FAM107A: variants seen among roughly 807,000 people sequenced by gnomAD.
FAM107A encodes actin-associated protein FAM107A.
FAM107A carries 19 observed loss-of-function variants against 13.7 expected under a neutral mutation model. That is an observed-to-expected ratio of 1.38 (90% confidence interval 0.97 to 2.03). FAM107A has a LOEUF of 2.03. Ranked by LOEUF, FAM107A falls within the 30% of genes most tolerant of loss-of-function variation. The pLI is 0.00. For synonymous variants in FAM107A, 82 were observed against 74.5 expected (o/e 1.10, Z -0.52); for missense variants, 203 against 184.4 (o/e 1.10, Z -0.58).
chr3:58,627,248 G>C, intron 1 of FAM107A: 1 of 523,228 alleles, frequency 1.9e-6, no homozygotes, highest in East Asian at 3.0e-5. Flanking sequence ...GCCCTTCTTG[G>C]GTCCCTGCAG....
chr3:58,612,466 G>C (rs2065863895), intron 1 of FAM107A, among the ~76,000 whole-genome samples: 2 of 151,954 alleles, frequency 1.3e-5, no homozygotes, highest in African/African-American at 4.8e-5. Context: ...TATAGTATTA[G>C]CTACTTGGGA....
At chr3:58,615,064 C>T (rs1006076503) in intron 1 of FAM107A, among the ~76,000 whole-genome samples, 1 of 152,204 alleles carries the variant, frequency 6.6e-6, no homozygotes, top group Non-Finnish European at 1.5e-5. Flanking sequence ...CCTTGCCCTC[C>T]CAAAGTGCTG....
At chr3:58,586,916 C>G (rs2065612648) in exon 1 of FAM107A, 1 of 1,532,464 alleles carries the variant, frequency 6.5e-7, no homozygotes. Flanking sequence ...CCCGGGCCCA[C>G]TCGCCCAGCC....
chr3:58,571,015 TC>T (rs929212867), intron 1 of FAM107A, among the ~76,000 whole-genome samples: 1 of 152,104 alleles, frequency 6.6e-6, no homozygotes, highest in African/African-American at 2.4e-5. Context: ...TCTCATTTCC[TC>T]CCCCACACTG....
At chr3:58,621,626 T>A (rs1186240680) in intron 1 of FAM107A, among the ~76,000 whole-genome samples, 1 of 152,178 alleles carries the variant, frequency 6.6e-6, no homozygotes, top group Non-Finnish European at 1.5e-5. Flanking sequence ...CTCACACTGA[T>A]AATACTAAAG....
At chr3:58,593,730 T>C (rs2065674372) in intron 1 of FAM107A, among the ~76,000 whole-genome samples, 1 of 152,136 alleles carries the variant, frequency 6.6e-6, no homozygotes, top group African/African-American at 2.4e-5. Context: ...ATTGCTGGCT[T>C]AGCATTTCCG....
chr3:58,620,177 A>G (rs2065939718), intron 1 of FAM107A, among the ~76,000 whole-genome samples: 1 of 152,230 alleles, frequency 6.6e-6, no homozygotes, highest in South Asian at 2.1e-4. Flanking sequence ...ACAGAACTAT[A>G]CATGAAATCA....
chr3:58,570,321 AT>A, intron 1 of FAM107A: 1 of 924,596 alleles, frequency 1.1e-6, no homozygotes, highest in Non-Finnish European at 1.3e-6. Flanking sequence ...AAAAGAAAGT[AT>A]TACCCTTATT....
rs111472053 is a variant in FAM107A at position 58,613,052 on chromosome 3, A to T, written c.-70+14364T>A. The stretch of plus-strand genomic sequence containing the variant: ...CTCCTCCAATGGGGCTTCAGTCACC[A>T]CCTCTCTGGAAGGTGATGATGGTCG... On this transcript the variant is annotated intron_variant, in intron 1 of 3. Transcript: ENST00000465970. This position sits in a 1 kb window ranked among gnomAD's most constrained non-coding sequence, Gnocchi z 4.6. 0.054 allele frequency among the ~76,000 whole-genome samples: 8,133 copies of T among 151,896 alleles called. 313 individuals are homozygous for T. Among genetic ancestry groups the T allele is most frequent in the African/African-American group, 0.1 (4,263 of 41,392 alleles).
upstream of FAM107A, among the ~76,000 whole-genome samples, chr3:58,590,001 G>C (rs1293260462): frequency 6.6e-6 from 1 of 152,168 alleles, no homozygotes; most frequent in African/African-American, 2.4e-5. Context: ...GGTCCTTAGG[G>C]CCAGTTCTTG....
At chr3:58,602,424 A>G (rs1357266512) in intron 1 of FAM107A, among the ~76,000 whole-genome samples, 1 of 152,232 alleles carries the variant, frequency 6.6e-6, no homozygotes, top group Non-Finnish European at 1.5e-5. Context: ...CCTACAAACC[A>G]GGCAGATATC....
intron 1 of FAM107A, chr3:58,574,421 A>AC (rs1355607054): frequency 1.3e-5 from 2 of 152,174 alleles, no homozygotes; most frequent in African/African-American, 4.8e-5. Context: ...GGAGTTAAAA[A>AC]CCCAAAACAC....
intron 1 of FAM107A, among the ~76,000 whole-genome samples, chr3:58,602,255 G>A (rs1273227439): frequency 1.2e-4 from 19 of 152,150 alleles, no homozygotes. Flanking sequence ...GCACGCTCAA[G>A]CAACAATGGG....
upstream of FAM107A, among the ~76,000 whole-genome samples, chr3:58,587,474 AGTGTGTGTGTGTGT>A (rs376881213): frequency 0.19 from 27,897 of 145,546 alleles, 3,179 homozygotes; most frequent in East Asian, 0.46. Flanking sequence ...ATCAGCTTAG[AGTGTGTGTGTGTGT>A]GTGTGTGTGT....
chr3:58,590,284 C>T (rs1040282606), upstream of FAM107A, among the ~76,000 whole-genome samples: 4 of 152,336 alleles, frequency 2.6e-5, no homozygotes, highest in African/African-American at 9.6e-5. Context: ...GTTGCTCAGA[C>T]CAGGAGGCTG....
In FAM107A at chr3:58,600,388, C is replaced by T. The variant is rs142578545; in HGVS notation, c.-69-11119G>A. 3.4e-3 allele frequency among the ~76,000 whole-genome samples: 511 copies of T among 152,334 alleles called. 3 individuals are homozygous for T. The highest frequency in any genetic ancestry group is 0.012 in the African/African-American group (496 of 41,574). ...TTTTAAGTGACAGCTGCTCATGCGA[C>T]AGGCTTTGGGCTACCCATGCAGCAG... On this transcript the variant is annotated intron_variant, in intron 1 of 3. Transcript: ENST00000465970.
intron 1 of FAM107A, among the ~76,000 whole-genome samples, chr3:58,586,374 A>T (rs1376553538): frequency 6.6e-6 from 1 of 152,212 alleles, no homozygotes; most frequent in Non-Finnish European, 1.5e-5. Context: ...CCCCAAAAGG[A>T]TGAATGCAGG....
chr3:58,608,466 T>A (rs1028020831), intron 1 of FAM107A, among the ~76,000 whole-genome samples: 4 of 152,160 alleles, frequency 2.6e-5, no homozygotes, highest in African/African-American at 9.7e-5. Flanking sequence ...TCCTTATCTA[T>A]GGAATAACAA....
chr3:58,611,047 C>A (rs2065849355), intron 1 of FAM107A, among the ~76,000 whole-genome samples: 1 of 152,200 alleles, frequency 6.6e-6, no homozygotes, highest in Non-Finnish European at 1.5e-5. Flanking sequence ...TTATTAGGGA[C>A]TTTTCTCCCT....
Sources: allele counts gnomAD v4.1 joint callset (sites outside exome capture counted in the v4.1 genomes callset), GRCh38; gene constraint gnomAD v4.1.1; non-coding constraint Gnocchi (gnomAD v3.1); transcripts MANE v1.5; gene names NCBI Gene and HGNC (gene_info 2026-07-23, HGNC 2026-07-21).